HNRNPC: variants seen among roughly 807,000 people sequenced by gnomAD.
HNRNPC encodes heterogeneous nuclear ribonucleoprotein C, also known as heterogeneous nuclear ribonucleoproteins C1/C2.
A neutral mutation model predicts 33.2 loss-of-function variants in HNRNPC; 3 were observed. That is an observed-to-expected ratio of 0.09 (90% CI 0.04 to 0.23). The LOEUF (loss-of-function observed/expected upper bound fraction) is 0.23, where lower values mean the gene tolerates loss of function less well. Ranked by LOEUF, HNRNPC falls within the 10% of genes least tolerant of loss-of-function variation. The pLI is 1.00. For missense variants in HNRNPC, 143 were observed against 366.7 expected, an observed-to-expected ratio of 0.39 and a Z score of 4.98; for synonymous variants, 121 against 126.7, an observed-to-expected ratio of 0.96 and a Z score of 0.30.
At chr14:21,228,304 T>G (rs911370007) in intron 5 of HNRNPC, among the ~76,000 whole-genome samples, 1 of 152,220 alleles carries the variant, frequency 6.6e-6, no homozygotes, top group Non-Finnish European at 1.5e-5. Context: ...TTGCAAAAAT[T>G]CAAAAAATTG....
In HNRNPC at chr14:21,258,083, A is replaced by C. The variant is rs1005191147; in HGVS notation, c.-37+5228T>G. Among the ~76,000 whole-genome samples, 29 of 152,120 alleles carry C rather than the reference A, an allele frequency of 1.9e-4. 1 individual carries two copies. The highest frequency in any genetic ancestry group is 1.6e-3 in the Admixed American group (25 of 15,274). ...AAGTTGTTCTTTGGAACTTTAACCAAACTAAAATCTGTTTTTCTAGAATGC... is the reference window on the plus strand; with the variant it reads ...AAGTTGTTCTTTGGAACTTTAACCACACTAAAATCTGTTTTTCTAGAATGC... On this transcript the variant is annotated intron_variant, in intron 2 of 8. Coordinates refer to ENST00000553300, the MANE Select transcript of HNRNPC (RefSeq NM_004500.4).
chr14:21,268,702 T>C (rs1879430652), intron 1 of HNRNPC: 1 of 152,250 alleles, frequency 6.6e-6, no homozygotes, highest in Non-Finnish European at 1.5e-5. Flanking sequence ...AATATTAATA[T>C]AGTTATATCA....
At chr14:21,260,387 A>AG (rs1878019713) in intron 2 of HNRNPC, among the ~76,000 whole-genome samples, 1 of 151,320 alleles carries the variant, frequency 6.6e-6, no homozygotes, top group East Asian at 1.9e-4. Flanking sequence ...AAAAAAAAAA[A>AG]AAATCCCTTT....
intron 5 of HNRNPC, among the ~76,000 whole-genome samples, chr14:21,216,478 C>T (rs118182394): frequency 0.014 from 2,057 of 152,218 alleles, 13 homozygotes; most frequent in Non-Finnish European, 0.02. Context: ...GAGGCTAAGG[C>T]GAGCGGCTCA....
chr14:21,254,846 C>T (rs1464764951), intron 2 of HNRNPC, among the ~76,000 whole-genome samples: 2 of 148,114 alleles, frequency 1.4e-5, no homozygotes, highest in South Asian at 2.1e-4. Context: ...GCGGAGGTTG[C>T]GGTAGGCGGA....
chr14:21,210,908 T>G lies in HNRNPC; in HGVS notation c.*315A>C. The G allele has an allele frequency of 2.8e-6, 1 of 361,032 alleles. No homozygotes were observed. Among genetic ancestry groups the G allele is most frequent in the East Asian group, 5.2e-5 (1 of 19,218 alleles). 22.4% of individuals were successfully genotyped at this position (361,032 alleles called of 1,614,324 possible). Reference sequence around the variant, plus strand: ...AATGAAAAGAACTGTACTCCCTGCATAACAAGAGATTATTTTGGAGACAGT... The same window carrying G: ...AATGAAAAGAACTGTACTCCCTGCAGAACAAGAGATTATTTTGGAGACAGT... On this transcript the variant is annotated 3_prime_UTR_variant, in exon 9 of 9. Coordinates refer to ENST00000553300, the MANE Select transcript of HNRNPC (RefSeq NM_004500.4).
intron 3 of HNRNPC, 187 bp from the exon 4 acceptor site, chr14:21,231,259 G>A (rs1010541465): frequency 2.2e-5 from 15 of 683,558 alleles, no homozygotes; most frequent in Non-Finnish European, 3.4e-5. Flanking sequence ...TCAGCCTCGA[G>A]AGTAACTGTC....
chr14:21,218,866 C>T (rs1411487835), intron 5 of HNRNPC, among the ~76,000 whole-genome samples: 2 of 151,572 alleles, frequency 1.3e-5, no homozygotes, highest in African/African-American at 4.8e-5. Flanking sequence ...AATCCCAGCA[C>T]TATGGGAGGC....
At chr14:21,242,678 G>A (rs1654247842) in intron 2 of HNRNPC, among the ~76,000 whole-genome samples, 1 of 152,152 alleles carries the variant, frequency 6.6e-6, no homozygotes, top group South Asian at 2.1e-4. Context: ...AGACCTGGAG[G>A]TCTCAACCTA....
intron 3 of HNRNPC, among the ~76,000 whole-genome samples, 155 bp downstream of exon 3, chr14:21,233,798 T>C (rs955642564): frequency 6.6e-6 from 1 of 152,146 alleles, no homozygotes; most frequent in African/African-American, 2.4e-5. Flanking sequence ...ACTTAGCCAA[T>C]TATAACTATA....
chr14:21,236,218 A>C (rs902622819), intron 2 of HNRNPC, among the ~76,000 whole-genome samples: 5 of 152,222 alleles, frequency 3.3e-5, no homozygotes, highest in African/African-American at 9.6e-5. Flanking sequence ...CAAGGATGCT[A>C]GCAATGGTTG....
chr14:21,211,633 A>G, intron 7 of HNRNPC, 67 bp from the exon 8 acceptor site: 1 of 1,524,388 alleles, frequency 6.6e-7, no homozygotes, highest in Non-Finnish European at 8.9e-7. Flanking sequence ...AATCCCCACT[A>G]AGGATCACAG....
intron 1 of HNRNPC, 122 bp from the exon 2 acceptor site, chr14:21,263,458 TAA>T (rs763432061): frequency 2.0e-5 from 3 of 152,190 alleles, no homozygotes; most frequent in East Asian, 3.9e-4. Context: ...ACCGCAAGGA[TAA>T]AGTTTTCAGT....
chr14:21,240,379 G>C (rs1036395852), intron 2 of HNRNPC, among the ~76,000 whole-genome samples: 1 of 152,132 alleles, frequency 6.6e-6, no homozygotes. Flanking sequence ...ATCTTGGATT[G>C]TCAATCTAGC....
chr14:21,213,208 T>G, intron 5 of HNRNPC, 91 bp from the exon 6 acceptor site: 2 of 1,304,060 alleles, frequency 1.5e-6, no homozygotes, highest in Non-Finnish European at 2.1e-6. Context: ...AAGTGAATAT[T>G]GTCTCTAGTC....
intron 6 of HNRNPC, among the ~76,000 whole-genome samples, chr14:21,212,265 G>A (rs12433590): frequency 0.16 from 23,908 of 151,870 alleles, 2,116 homozygotes; most frequent in Admixed American, 0.24. Flanking sequence ...CTCCCCCTAA[G>A]CATCTGGGGC....
In HNRNPC at chr14:21,210,169, G is replaced by A. The variant is rs1190901576; in HGVS notation, c.*1054C>T. 3.9e-5 allele frequency: 6 copies of A among 152,156 alleles called. No individual in the cohort carries two copies. Among genetic ancestry groups the A allele is most frequent in the Non-Finnish European group, 8.8e-5 (6 of 68,028 alleles). The allele number at this position is 152,156 out of a possible 1,614,324, so 9.4% of individuals were successfully genotyped here. ...AGCAGGGGGGTTCCATTATGCAGCTGTCGCCATTTTCCTGAAATCTTGATG... is the reference window on the plus strand; with the variant it reads ...AGCAGGGGGGTTCCATTATGCAGCTATCGCCATTTTCCTGAAATCTTGATG... On this transcript the variant is annotated 3_prime_UTR_variant, in exon 9 of 9. Coordinates refer to ENST00000553300, the MANE Select transcript of HNRNPC (RefSeq NM_004500.4).
intron 5 of HNRNPC, among the ~76,000 whole-genome samples, chr14:21,217,776 A>G (rs1892349015): frequency 6.6e-6 from 1 of 152,210 alleles, no homozygotes. Context: ...AAATACATTA[A>G]ATGTACATAC....
chr14:21,244,912 C>T (rs1455283695), intron 2 of HNRNPC, among the ~76,000 whole-genome samples: 4 of 151,728 alleles, frequency 2.6e-5, no homozygotes, highest in African/African-American at 9.7e-5. Context: ...TGGTGAAACC[C>T]AGTCTCTACT....
Sources: allele counts gnomAD v4.1 joint callset (sites outside exome capture counted in the v4.1 genomes callset), GRCh38; gene constraint gnomAD v4.1.1; transcripts MANE v1.5; gene names NCBI Gene and HGNC (gene_info 2026-07-23, HGNC 2026-07-21).